Variants in KIF21A observed in about 807,000 individuals in gnomAD.
The protein encoded by KIF21A is kinesin-like protein KIF21A.
In KIF21A, 114 loss-of-function variants were observed where a neutral mutation model predicts 202.9. That is an observed-to-expected ratio of 0.56 (90% CI 0.48 to 0.66). The LOEUF (loss-of-function observed/expected upper bound fraction) is 0.66, where lower values mean the gene tolerates loss of function less well. Among genes scored for constraint, KIF21A ranks in the 30% least tolerant of loss-of-function variants. KIF21A has a pLI of 0.00. For synonymous variants in KIF21A, 667 were observed against 670.8 expected, an observed-to-expected ratio of 0.99 and a Z score of 0.09; for missense variants, 1,677 against 1,994.9, an observed-to-expected ratio of 0.84 and a Z score of 3.04.
chr12:39,372,190 TAGAG>T (rs1950010273), intron 1 of KIF21A, among the ~76,000 whole-genome samples: 1 of 152,156 alleles, frequency 6.6e-6, no homozygotes, highest in Non-Finnish European at 1.5e-5. Flanking sequence ...GGAATGACAA[TAGAG>T]AAAGGATTGA....
At chr12:39,425,236 T>A (rs1039116225) in intron 1 of KIF21A, among the ~76,000 whole-genome samples, 1 of 151,652 alleles carries the variant, frequency 6.6e-6, no homozygotes, top group Non-Finnish European at 1.5e-5. Context: ...TATCTGGATT[T>A]AAAAAAAAAT....
intron 1 of KIF21A, among the ~76,000 whole-genome samples, chr12:39,421,824 TTTATATA>T (rs1281275700): frequency 1.4e-5 from 2 of 147,354 alleles, no homozygotes; most frequent in Non-Finnish European, 3.0e-5. Context: ...TATGTATAAT[TTTATATA>T]TTATATAATT....
chr12:39,371,622 G>A (rs1384863317), intron 1 of KIF21A, among the ~76,000 whole-genome samples: 4 of 152,074 alleles, frequency 2.6e-5, no homozygotes, highest in Non-Finnish European at 5.9e-5. Context: ...GTTTAAGGAA[G>A]AAAGGCAAGA....
intron 11 of KIF21A, among the ~76,000 whole-genome samples, chr12:39,348,619 C>T (rs1948107246): frequency 1.3e-5 from 2 of 151,864 alleles, no homozygotes; most frequent in African/African-American, 2.4e-5. Context: ...CAAAAATCTA[C>T]AACACAAAAC....
chr12:39,412,897 T>C lies in KIF21A; in HGVS notation c.44+30030A>G, dbSNP rs1953229311. The stretch of plus-strand genomic sequence containing the variant: ...CACTAAAACTACTTCTAGATTTTAA[T>C]AAATGTTATACAGTTTACCAGAGTA... On this transcript the variant is annotated intron_variant, in intron 1 of 37. Coordinates refer to ENST00000361418, the MANE Select transcript of KIF21A (RefSeq NM_001173464.2). Among the ~76,000 whole-genome samples the C allele has an allele frequency of 2.6e-5, 4 of 152,238 alleles. No homozygotes were observed. In the South Asian group the frequency reaches 8.3e-4, roughly 31 times the overall value.
chr12:39,418,547 G>A (rs956408518), intron 1 of KIF21A, among the ~76,000 whole-genome samples: 1 of 152,122 alleles, frequency 6.6e-6, no homozygotes, highest in Non-Finnish European at 1.5e-5. Context: ...GAGTGTTTGG[G>A]AAATACTAGA....
intron 37 of KIF21A, among the ~76,000 whole-genome samples, chr12:39,295,123 G>T (rs139259776): frequency 6.6e-6 from 1 of 152,308 alleles, no homozygotes; most frequent in East Asian, 1.9e-4. Context: ...CTATTGAGAA[G>T]TGAACTAATA....
In KIF21A at chr12:39,296,121, T is replaced by G. The variant is rs1312742134; in HGVS notation, c.4932-1604A>C. 2.2e-5 allele frequency among the ~76,000 whole-genome samples: 3 copies of G among 139,260 alleles called. No homozygotes were observed. The East Asian group carries it at 6.6e-4, about 31-fold the overall frequency. The allele number at this position is 139,260 out of a possible 152,430, so 91.4% of individuals were successfully genotyped here. A position where few individuals can be genotyped will look rare whatever the true frequency, so the allele number is the denominator to read the frequency against. ...TCTCACTCTGTGGCCCAGGCTGGAGTGCAGTGGCTAGATCTTGGCTCACTG... is the reference window on the plus strand; with the variant it reads ...TCTCACTCTGTGGCCCAGGCTGGAGGGCAGTGGCTAGATCTTGGCTCACTG... On this transcript the variant is annotated intron_variant, in intron 37 of 37. Transcript: ENST00000361418.
Position 39,358,296 on chromosome 12 carries a change from T to C in KIF21A, c.1097A>G (p.Asn366Ser), listed in dbSNP as rs758353486. 2.0e-5 allele frequency: 33 copies of C among 1,613,984 alleles called. No homozygotes were observed. The highest frequency in any genetic ancestry group is 6.7e-5 in the East Asian group (3 of 44,880). The change falls in exon 8 of 38, where the codon AAT becomes AGT. Residue 366 changes from asparagine (N) to serine (S), a missense_variant. By Grantham distance (46) the Asn-to-Ser change is conservative (BLOSUM62 1). Transcript: ENST00000361418. Reference sequence around the variant, plus strand: ...CTTATTCTTGATATTTCTAGCTCGATTGGCGTATTTCAGGGTGTTTAACGT... The same window carrying C: ...CTTATTCTTGATATTTCTAGCTCGACTGGCGTATTTCAGGGTGTTTAACGT... ...METLNTLKYA[N>S]RARNIKNKVM...
intron 1 of KIF21A, among the ~76,000 whole-genome samples, chr12:39,381,133 G>A (rs985695586): frequency 6.6e-5 from 10 of 151,614 alleles, no homozygotes; most frequent in East Asian, 1.9e-4. Flanking sequence ...GTGAAACCCC[G>A]TCTCTACTAA....
intron 1 of KIF21A, among the ~76,000 whole-genome samples, chr12:39,412,808 G>A (rs1953219053): frequency 6.6e-6 from 1 of 152,006 alleles, no homozygotes; most frequent in Non-Finnish European, 1.5e-5. Flanking sequence ...ACCTACTTTT[G>A]AACTACCTGA....
intron 27 of KIF21A, among the ~76,000 whole-genome samples, chr12:39,320,961 T>C (rs1408722632): frequency 1.1e-5 from 1 of 91,118 alleles, no homozygotes. Context: ...AAAAAAAAAG[T>C]CTGGGAAAAA....
chr12:39,345,244 T>A (rs1177557417), intron 12 of KIF21A, among the ~76,000 whole-genome samples: 4 of 152,198 alleles, frequency 2.6e-5, no homozygotes, highest in Non-Finnish European at 5.9e-5. Flanking sequence ...GAATATTTTA[T>A]GGTGATTAAA....
In KIF21A at chr12:39,315,987, A is replaced by G. The variant is rs761490160; in HGVS notation, c.3909-17T>C. On this transcript the variant is annotated splice_polypyrimidine_tract_variant and intron_variant, in intron 29 of 37. Transcript: ENST00000361418. The stretch of plus-strand genomic sequence containing the variant: ...TCATCAGACCTATAGTGAAAGAGTT[A>G]GAATTATGAGAGAAAGAATACAGAT... The G allele has an allele frequency of 1.9e-6, 3 of 1,570,094 alleles. No individual in the cohort carries two copies. The highest frequency in any genetic ancestry group is 2.6e-6 in the Non-Finnish European group (3 of 1,140,078).
At position 39,442,237 on chromosome 12, in the gene KIF21A, G is replaced by C. The variant is rs185714895; in HGVS notation, c.44+690C>G. 5.9e-5 allele frequency among the ~76,000 whole-genome samples: 9 copies of C among 152,168 alleles called. No individual in the cohort carries two copies. The highest frequency in any genetic ancestry group is 2.2e-4 in the African/African-American group (9 of 41,516). On this transcript the variant is annotated intron_variant, in intron 1 of 37. Transcript: ENST00000361418. The surrounding 1 kb of genome is among the most constrained non-coding windows in gnomAD (Gnocchi z 5.0). The stretch of plus-strand genomic sequence containing the variant: ...CAGTCACCCATTTCACCCTTCCTCT[G>C]GCTAAAGAGTTTTCCTCCTTCTGTA...
At position 39,303,049 on chromosome 12, in the gene KIF21A, T is replaced by C. The variant is rs761881280; in HGVS notation, c.4647A>G (p.Leu1549=). The C allele has an allele frequency of 1.2e-6, 2 of 1,613,972 alleles. No individual in the cohort carries two copies. Among genetic ancestry groups the C allele is most frequent in the South Asian group, 1.1e-5 (1 of 91,076 alleles). The change falls in exon 36 of 38, where the codon CTA becomes CTG. Residue 1549 remains leucine, a synonymous_variant. Coordinates refer to ENST00000361418, the MANE Select transcript of KIF21A (RefSeq NM_001173464.2). ...TAAATAGGTTATCCCCTTGAATGGT[T>C]AGTGCTTCTATGCCATCATAATGAG... ...EPPHYDGIEA[L]TIQGDNLFSG... is the part of the protein sequence containing the mutation.
intron 1 of KIF21A, among the ~76,000 whole-genome samples, chr12:39,409,578 T>C (rs1383082413): frequency 6.6e-6 from 1 of 151,558 alleles, no homozygotes; most frequent in Non-Finnish European, 1.5e-5. Flanking sequence ...AGAGGAATAT[T>C]TCATAATGAT....
intron 29 of KIF21A, among the ~76,000 whole-genome samples, chr12:39,317,846 A>G (rs948244531): frequency 1.4e-4 from 22 of 152,232 alleles, no homozygotes; most frequent in Non-Finnish European, 2.5e-4. Flanking sequence ...TGCTGAAGGC[A>G]TACCAATACA....
chr12:39,315,686 C>T (rs1285196095), intron 30 of KIF21A, among the ~76,000 whole-genome samples: 1 of 151,776 alleles, frequency 6.6e-6, no homozygotes, highest in Non-Finnish European at 1.5e-5. Context: ...AGAAAAGATT[C>T]AGATTACAGA....
Sources: gnomAD v4.1 joint callset for allele counts (sites outside exome capture counted in the v4.1 genomes callset) on GRCh38, gnomAD v4.1.1 for gene constraint, Gnocchi (gnomAD v3.1) non-coding constraint, MANE v1.5 for transcripts, NCBI Gene and HGNC (gene_info 2026-07-23, HGNC 2026-07-21) for gene names.